The following ABCC6 variants were observed in gnomAD, a reference collection of about 807,000 sequenced individuals.
ABCC6 encodes the protein ATP-binding cassette sub-family C member 6.
ABCC6 carries 126 observed loss-of-function variants against 169.5 expected under a neutral mutation model. That is an observed-to-expected ratio of 0.74 (90% confidence interval 0.64 to 0.86). The LOEUF is 0.86. ABCC6 is among the 40% of genes least tolerant of loss of function. The pLI, the probability that ABCC6 is intolerant of heterozygous loss-of-function variation, is 0.00. For missense variants in ABCC6, 1,733 were observed against 1,927.2 expected, an observed-to-expected ratio of 0.90 and a Z score of 1.89; for synonymous variants, 752 against 814.7, an observed-to-expected ratio of 0.92 and a Z score of 1.31.
intron 22 of ABCC6, 105 bp from the exon 23 acceptor site, chr16:16,166,038 G>A (rs1314614667): frequency 1.7e-6 from 2 of 1,158,362 alleles, no homozygotes; most frequent in Non-Finnish European, 2.5e-6. Flanking sequence ...GACATCTTAT[G>A]GCTTGGCCAC....
intron 17 of ABCC6, among the ~76,000 whole-genome samples, chr16:16,180,221 C>T (rs2047423153): frequency 6.6e-6 from 1 of 152,174 alleles, no homozygotes; most frequent in Non-Finnish European, 1.5e-5. Flanking sequence ...CTGCCCAGTT[C>T]CTAACAGGCC....
chr16:16,181,110 C>T (rs1421014302), intron 17 of ABCC6, among the ~76,000 whole-genome samples: 1 of 152,054 alleles, frequency 6.6e-6, no homozygotes, highest in African/African-American at 2.4e-5. Flanking sequence ...TCAAGACCAG[C>T]CTGGCCAACA....
intron 7 of ABCC6, among the ~76,000 whole-genome samples, chr16:16,205,573 G>T (rs956786080): frequency 6.6e-6 from 1 of 152,060 alleles, no homozygotes; most frequent in African/African-American, 2.4e-5. Context: ...TACTGAGTGG[G>T]TGTGGCCTGC....
At chr16:16,214,276 T>C (rs542890754) in intron 5 of ABCC6, 48 bp downstream of exon 5, 2 of 1,547,652 alleles carry the variant, frequency 1.3e-6, no homozygotes, top group East Asian at 2.4e-5. Flanking sequence ...TGGGGGAGAC[T>C]GAGACCTCAA....
At chr16:16,175,651 G>A (rs1004384001) in intron 20 of ABCC6, among the ~76,000 whole-genome samples, 10 of 152,268 alleles carry the variant, frequency 6.6e-5, no homozygotes, top group Admixed American at 4.6e-4. Flanking sequence ...AGCTGGCCTC[G>A]GCCCACTTGA....
At chr16:16,163,301 A>C in intron 23 of ABCC6, 109 bp from the exon 24 acceptor site, 3 of 1,052,472 alleles carry the variant, frequency 2.9e-6, no homozygotes, top group Non-Finnish European at 4.2e-6. Context: ...GGATCTGTTA[A>C]CAGCTTACTG....
rs1222465686 is a variant in ABCC6 at position 16,161,403 on chromosome 16, GTCCCTCAAGCCCAGT to G, written c.3633+20_3633+34del. 2 of 1,613,380 alleles carry G rather than the reference GTCCCTCAAGCCCAGT, an allele frequency of 1.2e-6. No homozygotes were observed. The highest frequency in any genetic ancestry group is 4.5e-5 in the East Asian group (2 of 44,876). On this transcript the variant is annotated intron_variant, in intron 25 of 30. Transcript: ENST00000205557. ...GGTCCGACAGTCTCTGCCTCTGTCT[GTCCCTCAAGCCCAGT>G]TTGGGGATGTGGGGAGTACCTGGAG...
intron 15 of ABCC6, 35 bp from the exon 16 acceptor site, chr16:16,182,965 A>C: frequency 1.9e-6 from 3 of 1,614,072 alleles, no homozygotes; most frequent in Non-Finnish European, 2.5e-6. Flanking sequence ...GACCTTGGTT[A>C]GGGTTCAGCC....
chr16:16,179,692 G>A (rs917491605), intron 17 of ABCC6, among the ~76,000 whole-genome samples: 1 of 152,162 alleles, frequency 6.6e-6, no homozygotes, highest in Non-Finnish European at 1.5e-5. Flanking sequence ...CTGGGTTCAA[G>A]CAATTCTCCT....
chr16:16,179,440 G>C (rs1342218284), intron 17 of ABCC6, among the ~76,000 whole-genome samples: 2 of 152,182 alleles, frequency 1.3e-5, no homozygotes, highest in Non-Finnish European at 2.9e-5. Flanking sequence ...GTAGGGCAGT[G>C]GTCCCCAGCC....
intron 4 of ABCC6, among the ~76,000 whole-genome samples, chr16:16,217,101 C>G (rs972690053): frequency 2.6e-5 from 4 of 152,182 alleles, no homozygotes; most frequent in Non-Finnish European, 5.9e-5. Context: ...CTAGTGTGAA[C>G]TGAGGTTTTA....
rs141118198 is a variant in ABCC6 at position 16,167,573 on chromosome 16, G to A, written c.2996-1640C>T. 2.2e-3 allele frequency among the ~76,000 whole-genome samples: 334 copies of A among 152,284 alleles called. 2 individuals carry two copies. Among genetic ancestry groups the A allele is most frequent in the African/African-American group, 7.6e-3 (314 of 41,564 alleles). ...CAAACCCCACCTCCCAGGTTCAAGC[G>A]ATTCTCCTTCCTCAGCCTCCCAAGT... is the stretch of plus-strand genomic sequence containing the variant. On this transcript the variant is annotated intron_variant, in intron 22 of 30. Transcript: ENST00000205557.
rs1478764217 is a variant in ABCC6, at chr16:16,176,029, A to G, written c.2591-43T>C. 1.9e-6 allele frequency: 3 copies of G among 1,578,940 alleles called. No homozygotes were observed. The African/African-American group carries it at 4.1e-5, about 21-fold the overall frequency. On this transcript the variant is annotated intron_variant, in intron 19 of 30. Coordinates refer to ENST00000205557, the MANE Select transcript of ABCC6 (RefSeq NM_001171.6). Reference sequence around the variant, plus strand: ...TCCTGTCACGCAACACGGCCCAGATACCCACTTTGACACCCACTGACTATG... The same window carrying G: ...TCCTGTCACGCAACACGGCCCAGATGCCCACTTTGACACCCACTGACTATG...
At chr16:16,189,378 G>A (rs2047763897) in intron 12 of ABCC6, among the ~76,000 whole-genome samples, 1 of 151,758 alleles carries the variant, frequency 6.6e-6, no homozygotes, top group Non-Finnish European at 1.5e-5. Context: ...GCAGGCAGGA[G>A]CAGCACTTGA....
At position 16,165,789 on chromosome 16, in the gene ABCC6, C is replaced by T. The variant is rs1161002650; in HGVS notation, c.3140G>A (p.Arg1047His). Residue 1047 changes from arginine (R) to histidine (H), a missense_variant, in exon 23 of 31, where the codon CGC (arginine) becomes CAC (histidine). Around this residue, in one of 5 missense-constraint regions of ABCC6, gnomAD observed 1,601 missense variants for 1,635.5 expected, o/e 0.98. Coordinates refer to ENST00000205557, the MANE Select transcript of ABCC6 (RefSeq NM_001171.6). The stretch of plus-strand genomic sequence containing the variant: ...AACCGTGTCTGTCTCCTTGGAGAAG[C>T]GGTTTAGCAGGTGACCAATGGGTGT... The part of the protein sequence containing the change: ...ERTPIGHLLN[R>H]FSKETDTVDV... 4.3e-6 allele frequency: 7 copies of T among 1,613,596 alleles called. No individual in the cohort carries two copies. The highest frequency in any genetic ancestry group is 2.2e-5 in the East Asian group (1 of 44,880).
At chr16:16,222,990 T>C (rs978846187) in intron 1 of ABCC6, 2 of 224,756 alleles carry the variant, frequency 8.9e-6, no homozygotes, top group African/African-American at 4.7e-5. Flanking sequence ...TGCCAGTTTA[T>C]TGCTTCAACT....
chr16:16,170,921 A>C (rs1218621906), intron 21 of ABCC6, among the ~76,000 whole-genome samples: 1 of 31,328 alleles, frequency 3.2e-5, no homozygotes, highest in Non-Finnish European at 8.6e-5. Flanking sequence ...CTCTGTCTCA[A>C]AAAAAAAAAA....
intron 23 of ABCC6, among the ~76,000 whole-genome samples, chr16:16,163,514 C>T (rs1444124893): frequency 6.6e-6 from 1 of 152,114 alleles, no homozygotes; most frequent in African/African-American, 2.4e-5. Flanking sequence ...TAAGGGACAG[C>T]CAGGGTTGAG....
chr16:16,154,494 A>C, intron 29 of ABCC6, 134 bp downstream of exon 29: 1 of 1,150,110 alleles, frequency 8.7e-7, no homozygotes, highest in South Asian at 1.4e-5. Flanking sequence ...AATTGCAGAT[A>C]AGAGACATGT....
Sources: gnomAD v4.1 joint callset for allele counts (sites outside exome capture counted in the v4.1 genomes callset) on GRCh38, gnomAD v4.1.1 for gene constraint, gnomAD v4.1.1 regional missense constraint, MANE v1.5 for transcripts, NCBI Gene and HGNC (gene_info 2026-07-23, HGNC 2026-07-21) for gene names.